The following RIC1 variants were observed in gnomAD, a reference collection of about 807,000 sequenced individuals.
RIC1 encodes the protein RIC1 partner of RAB6A GEF complex.
In RIC1, 88 loss-of-function variants were observed where a neutral mutation model predicts 169.0. The observed-to-expected ratio is 0.52, with a 90% CI of 0.44 to 0.62. The LOEUF (loss-of-function observed/expected upper bound fraction) is 0.62, where lower values mean the gene tolerates loss of function less well. Among genes scored for constraint, RIC1 ranks in the 20% least tolerant of loss-of-function variants. The probability of loss-of-function intolerance (pLI) is 0.00; values close to 1 mark genes in which losing one functional copy is unlikely to be tolerated. For synonymous variants in RIC1, 790 were observed against 601.5 expected, an observed-to-expected ratio of 1.31 and a Z score of -4.59; for missense variants, 1,877 against 1,725.5, an observed-to-expected ratio of 1.09 and a Z score of -1.56.
At chr9:5,764,441 C>G (rs1235476223) in intron 19 of RIC1, among the ~76,000 whole-genome samples, 3 of 152,210 alleles carry the variant, frequency 2.0e-5, no homozygotes, top group African/African-American at 7.2e-5. Context: ...TTCTTTGCAA[C>G]TCCTGAAAAT....
rs908626852 is a variant in RIC1, at chr9:5,689,475, C to T, written c.253-484C>T. Among the ~76,000 whole-genome samples, 8 of 152,100 alleles carry T rather than the reference C, an allele frequency of 5.3e-5. No homozygotes were observed. In the South Asian group the frequency reaches 1.2e-3, roughly 24 times the overall value. ...TCTGGGGCTATATTTTGTAGTAAAT[C>T]AGAGACCAAAAGATTGTTTTTGAAA... On this transcript the variant is annotated intron_variant, in intron 2 of 25. Coordinates refer to ENST00000414202, the MANE Select transcript of RIC1 (RefSeq NM_020829.4).
chr9:5,675,290 C>A (rs952546940), intron 2 of RIC1, among the ~76,000 whole-genome samples: 1 of 151,700 alleles, frequency 6.6e-6, no homozygotes, highest in South Asian at 2.1e-4. Flanking sequence ...GTAATGGGAA[C>A]GAGTCAGGGT....
intron 1 of RIC1, among the ~76,000 whole-genome samples, chr9:5,637,140 A>G (rs1268667453): frequency 6.6e-6 from 1 of 152,082 alleles, no homozygotes; most frequent in Non-Finnish European, 1.5e-5. Flanking sequence ...GCTCACTGCA[A>G]TCTCTGCCTA....
rs150546533 is a variant in RIC1, at chr9:5,702,687, C to T, written c.333-11209C>T. 5.5e-3 allele frequency among the ~76,000 whole-genome samples: 834 copies of T among 152,182 alleles called. 11 individuals are homozygous for T. Among genetic ancestry groups the T allele is most frequent in the African/African-American group, 0.017 (711 of 41,520 alleles). ...CTGAGTAGCTGGGACTACAGGCACA[C>T]GCCGCCATGCCCGGCTAATTTTTTT... On this transcript the variant is annotated intron_variant, in intron 3 of 25. Coordinates refer to ENST00000414202, the MANE Select transcript of RIC1 (RefSeq NM_020829.4).
intron 2 of RIC1, among the ~76,000 whole-genome samples, chr9:5,659,116 C>G (rs151093702): frequency 3.9e-5 from 6 of 152,100 alleles, no homozygotes; most frequent in African/African-American, 1.4e-4. Context: ...AAAAGTTGTA[C>G]TTTATGTTAA....
rs112904574 is a variant in RIC1, at chr9:5,714,652, A to G, written c.440+649A>G. Among the ~76,000 whole-genome samples the G allele has an allele frequency of 1.5e-3, 222 of 152,254 alleles. 1 individual carries two copies. The highest frequency in any genetic ancestry group is 5.0e-3 in the African/African-American group (208 of 41,556). On this transcript the variant is annotated intron_variant, in intron 4 of 25. Coordinates refer to ENST00000414202, the MANE Select transcript of RIC1 (RefSeq NM_020829.4). ...AAAACATTGAGGACATTCTTTATGG[A>G]AAAAAATCTTTCCAAATATGTTGTT...
intron 1 of RIC1, among the ~76,000 whole-genome samples, chr9:5,635,170 T>A (rs1031625563): frequency 1.3e-5 from 2 of 152,090 alleles, no homozygotes; most frequent in Non-Finnish European, 2.9e-5. Context: ...TGAAGAGATG[T>A]GGTCTTGCTG....
At chr9:5,674,196 T>C (rs2130589775) in intron 2 of RIC1, among the ~76,000 whole-genome samples, 1 of 152,292 alleles carries the variant, frequency 6.6e-6, no homozygotes, top group South Asian at 2.1e-4. Context: ...ATTGGCAGTT[T>C]ATTTTTGTTA....
At chr9:5,742,091 C>G (rs905137329) in intron 8 of RIC1, among the ~76,000 whole-genome samples, 7 of 152,188 alleles carry the variant, frequency 4.6e-5, no homozygotes, top group African/African-American at 1.7e-4. Flanking sequence ...TTCACTTCCA[C>G]TGATGAAACA....
At chr9:5,635,632 C>G (rs1485999400) in intron 1 of RIC1, among the ~76,000 whole-genome samples, 1 of 152,070 alleles carries the variant, frequency 6.6e-6, no homozygotes, top group Admixed American at 6.6e-5. Flanking sequence ...GCTCTATTTC[C>G]CCACCCAAAT....
At chr9:5,648,204 G>A (rs910628981) in intron 1 of RIC1, among the ~76,000 whole-genome samples, 1 of 152,068 alleles carries the variant, frequency 6.6e-6, no homozygotes, top group African/African-American at 2.4e-5. Context: ...GACTGGTCTC[G>A]AGCTCCTGAC....
intron 15 of RIC1, among the ~76,000 whole-genome samples, chr9:5,755,584 T>A (rs577947268): frequency 6.6e-5 from 10 of 152,190 alleles, no homozygotes; most frequent in Non-Finnish European, 1.3e-4. Flanking sequence ...GTATCTGGTT[T>A]TTTGTTTTGA....
chr9:5,700,181 C>G lies in RIC1; in HGVS notation c.332+10143C>G, dbSNP rs186578128. Among the ~76,000 whole-genome samples the G allele has an allele frequency of 7.9e-5, 12 of 152,180 alleles. No individual in the cohort carries two copies. In the East Asian group the frequency reaches 1.9e-3, roughly 24 times the overall value. On this transcript the variant is annotated intron_variant, in intron 3 of 25. Coordinates refer to ENST00000414202, the MANE Select transcript of RIC1 (RefSeq NM_020829.4). ...GAGCACCTGATTAACCAATACTGAG[C>G]TGGGAATGACCGACACTTCTTAGCT...
At chr9:5,660,297 A>G (rs1454392453) in intron 2 of RIC1, among the ~76,000 whole-genome samples, 1 of 152,168 alleles carries the variant, frequency 6.6e-6, no homozygotes, top group Non-Finnish European at 1.5e-5. Flanking sequence ...GCTATTGTGA[A>G]TAGTGCTGCA....
At chr9:5,638,078 G>A (rs188892524) in intron 1 of RIC1, among the ~76,000 whole-genome samples, 1 of 152,206 alleles carries the variant, frequency 6.6e-6, no homozygotes, top group African/African-American at 2.4e-5. Flanking sequence ...TTTATGAAAT[G>A]CTTTTTCAGC....
At chr9:5,748,817 C>T (rs1047646477) in intron 12 of RIC1, 2 of 152,390 alleles carry the variant, frequency 1.3e-5, no homozygotes, top group African/African-American at 4.8e-5. Context: ...CTATGAAGTA[C>T]CCCATATAAG....
intron 15 of RIC1, 104 bp downstream of exon 15, chr9:5,755,034 T>G: frequency 1.5e-6 from 1 of 653,776 alleles, no homozygotes; most frequent in Non-Finnish European, 2.4e-6. Flanking sequence ...AACAAAACAT[T>G]TTATTTTTTA....
chr9:5,667,131 C>A (rs1049127048), intron 2 of RIC1, among the ~76,000 whole-genome samples: 2 of 151,924 alleles, frequency 1.3e-5, no homozygotes, highest in African/African-American at 4.8e-5. Context: ...TACAGGGGAG[C>A]CTGGGGGACA....
intron 22 of RIC1, 149 bp from the exon 23 acceptor site, chr9:5,769,938 G>T: frequency 1.7e-6 from 1 of 602,106 alleles, no homozygotes; most frequent in Non-Finnish European, 2.8e-6. Flanking sequence ...TAGTTTTGGG[G>T]TGGCTGATAC....
Sources: gnomAD v4.1 joint callset for allele counts (sites outside exome capture counted in the v4.1 genomes callset) on GRCh38, gnomAD v4.1.1 for gene constraint, MANE v1.5 for transcripts, NCBI Gene and HGNC (gene_info 2026-07-23, HGNC 2026-07-21) for gene names.